The following CAMTA1 variants were observed in gnomAD, a reference collection of about 807,000 sequenced individuals.
The protein encoded by CAMTA1 is calmodulin binding transcription activator 1, also known as calmodulin-binding transcription activator 1.
In CAMTA1, 27 loss-of-function variants were observed where a neutral mutation model predicts 170.9. The observed-to-expected ratio is 0.16, with a 90% CI of 0.12 to 0.22. CAMTA1 has a LOEUF of 0.22. Among genes scored for constraint, CAMTA1 ranks in the 10% least tolerant of loss-of-function variants. CAMTA1 has a pLI of 1.00. For missense variants in CAMTA1, 1,619 were observed against 2,217.2 expected (o/e 0.73, Z 5.42); for synonymous variants, 833 against 891.5 (o/e 0.93, Z 1.17).
intron 6 of CAMTA1, among the ~76,000 whole-genome samples, chr1:7,613,767 G>A (rs1576402669): frequency 6.6e-6 from 1 of 150,474 alleles, no homozygotes; most frequent in Non-Finnish European, 1.5e-5. Flanking sequence ...GGGAGCAGGC[G>A]GGACCTGGAG....
At chr1:7,375,743 G>GACTC (rs1179667398) in intron 5 of CAMTA1, among the ~76,000 whole-genome samples, 1 of 152,220 alleles carries the variant, frequency 6.6e-6, no homozygotes, top group Non-Finnish European at 1.5e-5. Flanking sequence ...AGAGATGTTA[G>GACTC]ACTCAGGTTT....
intron 5 of CAMTA1, among the ~76,000 whole-genome samples, chr1:7,257,402 T>G (rs147796547): frequency 6.6e-6 from 1 of 152,340 alleles, no homozygotes; most frequent in African/African-American, 2.4e-5. Flanking sequence ...CATAACTGGC[T>G]GTCACTCCTC....
chr1:7,291,220 G>C (rs1316782807), intron 5 of CAMTA1, among the ~76,000 whole-genome samples: 2 of 152,088 alleles, frequency 1.3e-5, no homozygotes, highest in Non-Finnish European at 2.9e-5. Context: ...GGACGAAGAC[G>C]GGCAGAGACA....
chr1:6,788,077 T>C (rs989272516), intron 1 of CAMTA1, among the ~76,000 whole-genome samples: 16 of 152,138 alleles, frequency 1.1e-4, no homozygotes, highest in African/African-American at 3.4e-4. Flanking sequence ...ATGGGGAACG[T>C]TATTCTTCAA....
rs1170557714 is a variant in CAMTA1 at position 7,333,490 on chromosome 1, G to A, written c.438+83864G>A. On this transcript the variant is annotated intron_variant, in intron 5 of 22. Coordinates refer to ENST00000303635, the MANE Select transcript of CAMTA1 (RefSeq NM_015215.4). The surrounding 1 kb of genome is among the most constrained non-coding windows in gnomAD (Gnocchi z 4.4). ...TTCCCTTTGCACTGGGAGATTTCCC[G>A]GCAGAGGTCCTACATTTCGGCAGTG... 1.3e-5 allele frequency among the ~76,000 whole-genome samples: 2 copies of A among 152,192 alleles called. No individual in the cohort carries two copies. The highest frequency in any genetic ancestry group is 2.4e-5 in the African/African-American group (1 of 41,442).
intron 1 of CAMTA1, among the ~76,000 whole-genome samples, chr1:6,804,774 T>C (rs1403856536): frequency 1.3e-5 from 2 of 152,192 alleles, no homozygotes; most frequent in Non-Finnish European, 2.9e-5. Flanking sequence ...CAGGCTGGTC[T>C]TGAACTCCTG....
Position 7,642,501 on chromosome 1 carries a change from G to A in CAMTA1, c.664+1948G>A, listed in dbSNP as rs1230116919. Among the ~76,000 whole-genome samples, 7 of 152,266 alleles carry A rather than the reference G, an allele frequency of 4.6e-5. No individual in the cohort carries two copies. Among genetic ancestry groups the A allele is most frequent in the East Asian group, 1.9e-4 (1 of 5,172 alleles). On this transcript the variant is annotated intron_variant, in intron 7 of 22. Coordinates refer to ENST00000303635, the MANE Select transcript of CAMTA1 (RefSeq NM_015215.4). This position sits in a 1 kb window ranked among gnomAD's most constrained non-coding sequence, Gnocchi z 6.3. The stretch of plus-strand genomic sequence containing the variant: ...CTGTCAGGCCCGCCTGCCTGCCTTC[G>A]TACTCAGTACATAGGGGGCACCTCA...
intron 5 of CAMTA1, among the ~76,000 whole-genome samples, chr1:7,441,711 G>T (rs1259187894): frequency 3.9e-5 from 6 of 152,184 alleles, no homozygotes; most frequent in African/African-American, 1.4e-4. Flanking sequence ...AGGCCCAGAG[G>T]TGGGGATGAG....
chr1:7,716,274 C>G (rs2096609377), intron 11 of CAMTA1, among the ~76,000 whole-genome samples: 1 of 152,148 alleles, frequency 6.6e-6, no homozygotes, highest in Admixed American at 6.5e-5. Flanking sequence ...TTCAAGTGAT[C>G]CTCCTGCCTC....
At chr1:7,268,486 A>G (rs985138105) in intron 5 of CAMTA1, among the ~76,000 whole-genome samples, 5 of 152,200 alleles carry the variant, frequency 3.3e-5, no homozygotes, top group Admixed American at 6.5e-5. Flanking sequence ...GAACTGGCAG[A>G]TGTTCAAGTT....
At chr1:6,871,812 C>T (rs532525052) in intron 3 of CAMTA1, 1 of 1,527,054 alleles carries the variant, frequency 6.5e-7, no homozygotes, top group South Asian at 1.2e-5. Flanking sequence ...TGACCCTTCA[C>T]CTTTGATCCC....
At chr1:7,025,232 G>C (rs1381536166) in intron 3 of CAMTA1, among the ~76,000 whole-genome samples, 1 of 152,212 alleles carries the variant, frequency 6.6e-6, no homozygotes, top group Admixed American at 6.5e-5. Context: ...CTATTGCCGC[G>C]GTAGCTGATC....
At chr1:7,593,166 G>A (rs74055162) in intron 6 of CAMTA1, among the ~76,000 whole-genome samples, 2,552 of 152,318 alleles carry the variant, frequency 0.017, 80 homozygotes, top group African/African-American at 0.058. Context: ...GGTTTTGCCA[G>A]TCAAGACATT....
At chr1:7,090,553 C>T (rs1310394842) in intron 3 of CAMTA1, among the ~76,000 whole-genome samples, 1 of 152,200 alleles carries the variant, frequency 6.6e-6, no homozygotes, top group African/African-American at 2.4e-5. Flanking sequence ...ATGCCTCGAG[C>T]TGGAGCAATG....
chr1:7,555,319 G>T (rs1178953181), intron 6 of CAMTA1, among the ~76,000 whole-genome samples: 8 of 152,094 alleles, frequency 5.3e-5, no homozygotes, highest in African/African-American at 1.4e-4. Flanking sequence ...GGTGCATGTG[G>T]GTAGGACCCA....
intron 5 of CAMTA1, among the ~76,000 whole-genome samples, chr1:7,264,135 G>A (rs890955363): frequency 6.6e-6 from 1 of 152,154 alleles, no homozygotes; most frequent in Non-Finnish European, 1.5e-5. Context: ...GGACGCTTCT[G>A]CAAAGGATGC....
intron 3 of CAMTA1, among the ~76,000 whole-genome samples, chr1:6,849,147 G>A (rs1161701957): frequency 6.6e-6 from 1 of 152,132 alleles, no homozygotes; most frequent in Non-Finnish European, 1.5e-5. Context: ...ATCCTTTCAC[G>A]GTGAAGGAGA....
intron 6 of CAMTA1, among the ~76,000 whole-genome samples, chr1:7,474,231 A>G (rs1013041685): frequency 1.3e-5 from 2 of 151,138 alleles, no homozygotes; most frequent in African/African-American, 4.9e-5. Context: ...AGCAGCTATT[A>G]GCTGTGTGAC....
intron 6 of CAMTA1, among the ~76,000 whole-genome samples, chr1:7,484,247 G>A (rs2093584775): frequency 6.6e-6 from 1 of 152,152 alleles, no homozygotes; most frequent in Non-Finnish European, 1.5e-5. Flanking sequence ...GGGCTCACCA[G>A]CCTGACTCAG....
Sources: allele counts gnomAD v4.1 joint callset (sites outside exome capture counted in the v4.1 genomes callset), GRCh38; gene constraint gnomAD v4.1.1; non-coding constraint Gnocchi (gnomAD v3.1); transcripts MANE v1.5; gene names NCBI Gene and HGNC (gene_info 2026-07-23, HGNC 2026-07-21).